Variants in SRMS observed in about 807,000 individuals in gnomAD.
The protein encoded by SRMS is tyrosine-protein kinase Srms.
A neutral mutation model predicts 43.5 loss-of-function variants in SRMS; 42 were observed. The observed-to-expected ratio is 0.97, with a 90% confidence interval of 0.75 to 1.25. The LOEUF (loss-of-function observed/expected upper bound fraction) is 1.25. Ranked by LOEUF, SRMS falls within the 50% of genes most tolerant of loss-of-function variation. The pLI, the probability that SRMS is intolerant of heterozygous loss-of-function variation, is 0.00. For synonymous variants in SRMS, 316 were observed against 308.2 expected, an observed-to-expected ratio of 1.03 and a Z score of -0.27; for missense variants, 703 against 681.0, an observed-to-expected ratio of 1.03 and a Z score of -0.36.
In SRMS at chr20:63,542,220, G is replaced by C. The variant is rs762825847; in HGVS notation, c.889C>G (p.Pro297Ala). The C allele has an allele frequency of 9.3e-6, 15 of 1,612,552 alleles. No individual in the cohort carries two copies. Among genetic ancestry groups the C allele is most frequent in the Non-Finnish European group, 1.3e-5 (15 of 1,179,634 alleles). ...ATGAGTTCCGTGACGATGTACACAG[G>C]CTCCCCGCCCGAGCACACTGCGTGC... Reference protein sequence around the residue: ...RLHAVCSGGEPVYIVTELMRK... With the variant: ...RLHAVCSGGEAVYIVTELMRK... Residue 297 changes from proline (P) to alanine (A), a missense_variant, in exon 5 of 8, where the codon CCT (proline) becomes GCT (alanine). Physicochemically the swap from Pro to Ala is conservative, Grantham distance 27. Coordinates refer to ENST00000217188, the MANE Select transcript of SRMS (RefSeq NM_080823.4).
At chr20:63,541,160 G>T in intron 7 of SRMS, 31 bp downstream of exon 7, 3 of 1,547,460 alleles carry the variant, frequency 1.9e-6, no homozygotes, top group South Asian at 2.5e-5. Flanking sequence ...GGCAGAGCCT[G>T]CATCCTCCCT....
Position 63,541,531 on chromosome 20 carries a change from C to T in SRMS, c.1036G>A (p.Val346Ile), listed in dbSNP as rs758802895. Residue 346 changes from valine to isoleucine, a missense_variant, in exon 6 of 8, where the codon GTT becomes ATT. Coordinates refer to ENST00000217188, the MANE Select transcript of SRMS (RefSeq NM_080823.4). ...CGGGCGGCCAAGTCCCGGTGCACAA[C>T]GCGCTGCTCCTCCAGGTAGCTCATG... The part of the protein sequence containing the change: ...EGMSYLEEQR[V>I]VHRDLAARNV... The T allele has an allele frequency of 1.1e-5, 17 of 1,597,922 alleles. No individual in the cohort carries two copies. The highest frequency in any genetic ancestry group is 1.2e-5 in the Non-Finnish European group (14 of 1,174,134).
At chr20:63,542,810 C>T (rs1390610708) in intron 3 of SRMS, among the ~76,000 whole-genome samples, 2 of 152,150 alleles carry the variant, frequency 1.3e-5, no homozygotes, top group Non-Finnish European at 2.9e-5. Flanking sequence ...GCCGGATATC[C>T]GTCTACACAT....
At chr20:63,544,933 C>T (rs991491282) in intron 1 of SRMS, among the ~76,000 whole-genome samples, 3 of 152,210 alleles carry the variant, frequency 2.0e-5, no homozygotes, top group African/African-American at 4.8e-5. Context: ...GCTGTGCGAA[C>T]GTTCAAAGCA....
In SRMS at chr20:63,547,442, G is replaced by A. The variant is rs767200764; in HGVS notation, c.22C>T (p.Arg8Trp). 67 of 1,522,586 alleles carry A rather than the reference G, an allele frequency of 4.4e-5. No homozygotes were observed. Among genetic ancestry groups the A allele is most frequent in the Middle Eastern group, 3.7e-4 (2 of 5,414 alleles). 94.3% of individuals were successfully genotyped at this position (1,522,586 alleles called of 1,614,324 possible). MEPFLRR[R>W]LAFLSFFWDK... ...CAGAAGAAGGACAGGAAGGCCAGCC[G>A]CCTCCTGAGGAACGGCTCCATCCCC... Residue 8 changes from arginine (R) to tryptophan (W), a missense_variant, in exon 1 of 8, where the codon CGG (arginine) becomes TGG (tryptophan). By Grantham distance (101) the Arg-to-Trp change is moderately radical (BLOSUM62 -3). Transcript: ENST00000217188.
chr20:63,547,286 A>G lies in SRMS; in HGVS notation c.178T>C (p.Tyr60His). The change falls in exon 1 of 8, where the codon TAT (tyrosine) becomes CAT (histidine). Residue 60 changes from tyrosine (Y) to histidine (H), a missense_variant. Physicochemically the swap from Tyr to His is moderately conservative, Grantham distance 83. Coordinates refer to ENST00000217188, the MANE Select transcript of SRMS (RefSeq NM_080823.4). Reference protein sequence around the residue: ...SPFPQLFLALYDFTARCGGEL... With the variant: ...SPFPQLFLALHDFTARCGGEL... ...CCGCCACACCGCGCCGTGAAGTCAT[A>G]GAGCGCAAGGAAGAGCTGAGGGAAG... 2 of 1,608,836 alleles carry G rather than the reference A, an allele frequency of 1.2e-6. No individual in the cohort carries two copies. Among genetic ancestry groups the G allele is most frequent in the African/African-American group, 1.3e-5 (1 of 74,904 alleles).
At position 63,538,867 on chromosome 20, in the gene SRMS, G is replaced by T. The variant is rs1039131760; in HGVS notation, c.*1951C>A. The stretch of plus-strand genomic sequence containing the variant: ...CGGACGTGCAGGACTTTCAGTCTAA[G>T]CCACACCAGGAGGCAGGAACGTCCC... On this transcript the variant is annotated 3_prime_UTR_variant, in exon 8 of 8. Coordinates refer to ENST00000217188, the MANE Select transcript of SRMS (RefSeq NM_080823.4). Among the ~76,000 whole-genome samples the T allele has an allele frequency of 6.6e-6, 1 of 152,162 alleles. No individual in the cohort carries two copies. Among genetic ancestry groups the T allele is most frequent in the Non-Finnish European group, 1.5e-5 (1 of 67,994 alleles).
chr20:63,539,018 C>G lies in SRMS; in HGVS notation c.*1800G>C, dbSNP rs1035570484. Among the ~76,000 whole-genome samples the G allele has an allele frequency of 7.9e-5, 12 of 152,116 alleles. No homozygotes were observed. Among genetic ancestry groups the G allele is most frequent in the Non-Finnish European group, 1.3e-4 (9 of 67,982 alleles). The stretch of plus-strand genomic sequence containing the variant: ...ATCCCAGTGGCGGCTGCAGAGAGCA[C>G]AGAGGGCGAGGCCTTCTGTGCCAGA... On this transcript the variant is annotated 3_prime_UTR_variant, in exon 8 of 8. Coordinates refer to ENST00000217188, the MANE Select transcript of SRMS (RefSeq NM_080823.4).
rs944611596 is a variant in SRMS, at chr20:63,541,068, C to T, written c.1286-69G>A. On this transcript the variant is annotated intron_variant, in intron 7 of 7. Transcript: ENST00000217188. ...TCCCTATGGAGGAGGCCTCCTGTAGCCCCCCATGTCATCTGCCTGCCCTTG... is the reference window on the plus strand; with the variant it reads ...TCCCTATGGAGGAGGCCTCCTGTAGTCCCCCATGTCATCTGCCTGCCCTTG... 6.0e-5 allele frequency: 95 copies of T among 1,588,628 alleles called. 1 individual carries two copies. The African/African-American group carries it at 1.2e-3, about 21-fold the overall frequency.
At position 63,540,654 on chromosome 20, in the gene SRMS, C is replaced by T. The variant is rs2082697619; in HGVS notation, c.*164G>A. Among the ~76,000 whole-genome samples the T allele has an allele frequency of 6.6e-6, 1 of 152,264 alleles. No individual in the cohort carries two copies. Among genetic ancestry groups the T allele is most frequent in the Non-Finnish European group, 1.5e-5 (1 of 68,050 alleles). ...ACGGGGGACGTCAGCCCCAGCCCTC[C>T]GTCTGCACGTCTGCCTGGTGCACGA... On this transcript the variant is annotated 3_prime_UTR_variant, in exon 8 of 8. Coordinates refer to ENST00000217188, the MANE Select transcript of SRMS (RefSeq NM_080823.4).
rs777121276 is a variant in SRMS at position 63,547,399 on chromosome 20, G to A, written c.65C>T (p.Ala22Val). 57 of 1,556,474 alleles carry A rather than the reference G, an allele frequency of 3.7e-5. 1 individual carries two copies. The South Asian group carries it at 3.7e-4, about 10-fold the overall frequency. ...LSFFWDKIWPAGGEPDHGTPG... is the reference protein window; with the variant it reads ...LSFFWDKIWPVGGEPDHGTPG... The stretch of plus-strand genomic sequence containing the variant: ...GGTGCCATGGTCCGGCTCGCCGCCC[G>A]CCGGCCAGATCTTGTCCCAGAAGAA... The change falls in exon 1 of 8, where the codon GCG becomes GTG. Residue 22 changes from alanine (A) to valine (V), a missense_variant. Coordinates refer to ENST00000217188, the MANE Select transcript of SRMS (RefSeq NM_080823.4).
rs763320310 is a variant in SRMS, at chr20:63,543,370, A to G, written c.589T>C (p.Tyr197His). 35 of 1,612,676 alleles carry G rather than the reference A, an allele frequency of 2.2e-5. 1 individual carries two copies. In the South Asian group the frequency reaches 3.1e-4, roughly 14 times the overall value. The change falls in exon 3 of 8, where the codon TAC becomes CAC. Residue 197 changes from tyrosine (Y) to histidine (H), a missense_variant. Physicochemically the swap from Tyr to His is moderately conservative, Grantham distance 83. Transcript: ENST00000217188. ...FPGLEELLTY[Y>H]KANWKLIQNP... is the part of the protein sequence containing the mutation. ...TGGATCAGCTTCCAGTTGGCCTTGTAGTAGGTGAGCAGCTCCTCCAGGCCG... is the reference window on the plus strand; with the variant it reads ...TGGATCAGCTTCCAGTTGGCCTTGTGGTAGGTGAGCAGCTCCTCCAGGCCG...
rs1357155230 is a variant in SRMS, at chr20:63,538,511, T to C, written c.*2307A>G. 6.6e-6 allele frequency among the ~76,000 whole-genome samples: 1 copy of C among 152,170 alleles called. No homozygotes were observed. The highest frequency in any genetic ancestry group is 2.4e-5 in the African/African-American group (1 of 41,426). ...AACTGCGTATTTCAACTTTTATTTTTATTGCAAAGAGAAATAATGGCACCT... is the reference window on the plus strand; with the variant it reads ...AACTGCGTATTTCAACTTTTATTTTCATTGCAAAGAGAAATAATGGCACCT... On this transcript the variant is annotated 3_prime_UTR_variant, in exon 8 of 8. Coordinates refer to ENST00000217188, the MANE Select transcript of SRMS (RefSeq NM_080823.4).
intron 1 of SRMS, among the ~76,000 whole-genome samples, chr20:63,545,806 G>T (rs985258029): frequency 1.3e-5 from 2 of 152,134 alleles, no homozygotes; most frequent in African/African-American, 2.4e-5. Context: ...CTGCTGGCAG[G>T]GAGACGCAAC....
At position 63,542,263 on chromosome 20, in the gene SRMS, G is replaced by C. The variant is rs766255803; in HGVS notation, c.846C>G (p.His282Gln). 39 of 1,612,544 alleles carry C rather than the reference G, an allele frequency of 2.4e-5. No homozygotes were observed. Among genetic ancestry groups the C allele is most frequent in the Non-Finnish European group, 3.1e-5 (37 of 1,179,720 alleles). Residue 282 changes from histidine to glutamine, a missense_variant, in exon 5 of 8, where the codon CAC becomes CAG. Transcript: ENST00000217188. Reference sequence around the variant, plus strand: ...CTGCGTGCAGCCGGATGAGCCGCTCGTGCCGCAGGCCCTTCAGTGTCTGGA... The same window carrying C: ...CTGCGTGCAGCCGGATGAGCCGCTCCTGCCGCAGGCCCTTCAGTGTCTGGA... ...KEIQTLKGLR[H>Q]ERLIRLHAVC...
At chr20:63,545,567 G>A (rs1355242280) in intron 1 of SRMS, among the ~76,000 whole-genome samples, 1 of 152,246 alleles carries the variant, frequency 6.6e-6, no homozygotes, top group Non-Finnish European at 1.5e-5. Flanking sequence ...CAAGACGGAG[G>A]ACACAGTCTG....
rs753227330 is a variant in SRMS at position 63,540,893 on chromosome 20, C to G, written c.1392G>C (p.Arg464Ser). 18 of 1,606,170 alleles carry G rather than the reference C, an allele frequency of 1.1e-5. No homozygotes were observed. Among genetic ancestry groups the G allele is most frequent in the African/African-American group, 2.7e-5 (2 of 74,912 alleles). ...EVYVLMLECWRSSPEERPSFA... is the reference protein window; with the variant it reads ...EVYVLMLECWSSSPEERPSFA... Reference sequence around the variant, plus strand: ...AGGAGGGCCGTTCCTCGGGGCTGCTCCTCCAGCACTCCAGCATGAGCACGT... The same window carrying G: ...AGGAGGGCCGTTCCTCGGGGCTGCTGCTCCAGCACTCCAGCATGAGCACGT... Residue 464 changes from arginine to serine, a missense_variant, in exon 8 of 8, where the codon AGG (arginine) becomes AGC (serine). By Grantham distance (110) the Arg-to-Ser change is moderately radical. Coordinates refer to ENST00000217188, the MANE Select transcript of SRMS (RefSeq NM_080823.4).
chr20:63,541,934 G>A (rs1263663717), intron 5 of SRMS, among the ~76,000 whole-genome samples: 4 of 151,530 alleles, frequency 2.6e-5, no homozygotes, highest in South Asian at 4.2e-4. Context: ...CACCGCCCCC[G>A]AACACCAGCT....
rs997474350 is a variant in SRMS at position 63,543,455 on chromosome 20, G to T, written c.504C>A (p.His168Gln). The T allele has an allele frequency of 1.2e-6, 2 of 1,612,712 alleles. No homozygotes were observed. The highest frequency in any genetic ancestry group is 2.7e-5 in the African/African-American group (2 of 74,952). ...CATCAGCTGCCATGGAGACCCGGTA[G>T]TGGCAGACCTTGGCCTGGGCCCGGA... ...LSVRAQAKVC[H>Q]YRVSMAADGS... The change falls in exon 3 of 8, where the codon CAC becomes CAA. Residue 168 changes from histidine (H) to glutamine (Q), a missense_variant. Coordinates refer to ENST00000217188, the MANE Select transcript of SRMS (RefSeq NM_080823.4).
Sources: allele counts gnomAD v4.1 joint callset (sites outside exome capture counted in the v4.1 genomes callset), GRCh38; gene constraint gnomAD v4.1.1; transcripts MANE v1.5; gene names NCBI Gene and HGNC (gene_info 2026-07-23, HGNC 2026-07-21).